LSAMP: variants seen among roughly 807,000 people sequenced by gnomAD.
LSAMP encodes limbic system-associated membrane protein.
A neutral mutation model predicts 38.6 loss-of-function variants in LSAMP; 7 were observed. That is an observed-to-expected ratio of 0.18 (90% CI 0.10 to 0.34). LSAMP has a LOEUF of 0.34. Among genes scored for constraint, LSAMP ranks in the 10% least tolerant of loss-of-function variants. The pLI is 1.00. For synonymous variants in LSAMP, 154 were observed against 166.8 expected (o/e 0.92, Z 0.59); for missense variants, 313 against 420.0 (o/e 0.75, Z 2.23).
chr3:115,861,650 C>G (rs925411704), intron 3 of LSAMP, among the ~76,000 whole-genome samples: 1 of 152,158 alleles, frequency 6.6e-6, no homozygotes, highest in Non-Finnish European at 1.5e-5. Context: ...AAGCTAATGA[C>G]TTCCTAAGTG....
At chr3:116,163,520 G>A (rs1470694744) in intron 1 of LSAMP, among the ~76,000 whole-genome samples, 2 of 151,326 alleles carry the variant, frequency 1.3e-5, no homozygotes, top group East Asian at 2.0e-4. Context: ...ATTGTGAATA[G>A]TGCCGCAATA....
chr3:116,401,586 G>C (rs183241294), intron 1 of LSAMP, among the ~76,000 whole-genome samples: 1 of 152,118 alleles, frequency 6.6e-6, no homozygotes, highest in African/African-American at 2.4e-5. Flanking sequence ...CTGGCTGTCC[G>C]TTGCTGACTT....
At chr3:116,327,995 G>A (rs1204952955) in intron 1 of LSAMP, among the ~76,000 whole-genome samples, 2 of 152,074 alleles carry the variant, frequency 1.3e-5, no homozygotes, top group South Asian at 2.1e-4. Context: ...CTGAGGCACT[G>A]TTTCACTCAC....
chr3:116,219,218 A>G (rs2046254438), intron 1 of LSAMP, among the ~76,000 whole-genome samples: 2 of 152,160 alleles, frequency 1.3e-5, no homozygotes, highest in African/African-American at 4.8e-5. Context: ...TCTCTCTGTG[A>G]CTGCCTTATT....
intron 3 of LSAMP, among the ~76,000 whole-genome samples, chr3:115,861,003 C>T (rs1277213863): frequency 6.6e-6 from 1 of 152,088 alleles, no homozygotes; most frequent in Non-Finnish European, 1.5e-5. Context: ...GTACTGAGTA[C>T]AATGGCATTA....
At chr3:115,931,273 G>C (rs1296648551) in intron 3 of LSAMP, among the ~76,000 whole-genome samples, 1 of 152,134 alleles carries the variant, frequency 6.6e-6, no homozygotes, top group Non-Finnish European at 1.5e-5. Flanking sequence ...GCAGCCTCTG[G>C]TGAAAACCTT....
chr3:116,442,237 C>A (rs924558078), intron 1 of LSAMP, among the ~76,000 whole-genome samples: 1 of 152,068 alleles, frequency 6.6e-6, no homozygotes, highest in African/African-American at 2.4e-5. Flanking sequence ...GACAGACAGC[C>A]AAACTCCTGT....
At chr3:115,935,378 G>A (rs1430563715) in intron 3 of LSAMP, among the ~76,000 whole-genome samples, 1 of 152,158 alleles carries the variant, frequency 6.6e-6, no homozygotes, top group Admixed American at 6.6e-5. Context: ...AGAGGCTCTT[G>A]AGAGAGTCAA....
chr3:115,803,621 T>C lies in LSAMP; in HGVS notation c.*6696A>G, dbSNP rs958768497. On this transcript the variant is annotated 3_prime_UTR_variant, in exon 7 of 7. Coordinates refer to ENST00000490035, the MANE Select transcript of LSAMP (RefSeq NM_002338.5). Reference sequence around the variant, plus strand: ...CTAAATTGTGTTTATTTTTGTTTTATTTTCAGCTTGTCTTCTTTAAATAGA... The same window carrying C: ...CTAAATTGTGTTTATTTTTGTTTTACTTTCAGCTTGTCTTCTTTAAATAGA... The C allele has an allele frequency of 2.0e-5, 3 of 152,230 alleles. No individual in the cohort carries two copies. Among genetic ancestry groups the C allele is most frequent in the African/African-American group, 7.2e-5 (3 of 41,462 alleles). The allele number at this position is 152,230 out of a possible 1,614,324, so 9.4% of individuals were successfully genotyped here. A position where few individuals can be genotyped will look rare whatever the true frequency, so the allele number is the denominator to read the frequency against.
chr3:116,066,009 T>C (rs1180493027), intron 2 of LSAMP, among the ~76,000 whole-genome samples: 3 of 152,244 alleles, frequency 2.0e-5, no homozygotes, highest in Non-Finnish European at 4.4e-5. Flanking sequence ...GTAGTGTCTT[T>C]ATGCAGGCTG....
chr3:116,181,670 C>T (rs1710487780), intron 1 of LSAMP, among the ~76,000 whole-genome samples: 1 of 151,972 alleles, frequency 6.6e-6, no homozygotes, highest in Admixed American at 6.6e-5. Flanking sequence ...TTTCACAAAG[C>T]ACTTTCAGAC....
At chr3:116,104,246 A>T (rs1189245993) in intron 1 of LSAMP, among the ~76,000 whole-genome samples, 1 of 152,324 alleles carries the variant, frequency 6.6e-6, no homozygotes. Context: ...GGTAAGAGGA[A>T]CATAAAGCAA....
intron 3 of LSAMP, among the ~76,000 whole-genome samples, chr3:115,938,177 A>G (rs747972105): frequency 7.9e-5 from 12 of 152,186 alleles, no homozygotes; most frequent in Non-Finnish European, 1.6e-4. Flanking sequence ...AAAACAGAAA[A>G]TGAATAGATA....
chr3:115,917,107 T>C (rs888892603), intron 3 of LSAMP, among the ~76,000 whole-genome samples: 1 of 152,190 alleles, frequency 6.6e-6, no homozygotes, highest in Non-Finnish European at 1.5e-5. Context: ...AAGGAAAAGA[T>C]TGCATCCCAA....
chr3:115,913,911 C>A lies in LSAMP; in HGVS notation c.515-61294G>T, dbSNP rs114730059. On this transcript the variant is annotated intron_variant, in intron 3 of 6. Coordinates refer to ENST00000490035, the MANE Select transcript of LSAMP (RefSeq NM_002338.5). Reference sequence around the variant, plus strand: ...TGTATTAAACGAATCATGTATTAAACCCTGTGTAGACCTTGAAAAGAGAGT... The same window carrying A: ...TGTATTAAACGAATCATGTATTAAAACCTGTGTAGACCTTGAAAAGAGAGT... Among the ~76,000 whole-genome samples the A allele has an allele frequency of 8.4e-3, 1,280 of 152,088 alleles. 15 individuals carry two copies. The highest frequency in any genetic ancestry group is 0.029 in the African/African-American group (1,194 of 41,486).
intron 1 of LSAMP, among the ~76,000 whole-genome samples, chr3:116,200,222 C>G (rs569581620): frequency 6.6e-6 from 1 of 152,022 alleles, no homozygotes; most frequent in Non-Finnish European, 1.5e-5. Context: ...GAGAGGGCAC[C>G]ATTTTCTGTG....
At chr3:116,369,727 A>C (rs973916773) in intron 1 of LSAMP, 13 of 152,450 alleles carry the variant, frequency 8.5e-5, no homozygotes, top group African/African-American at 2.9e-4. Context: ...CCAGCTCAGA[A>C]TATAAATAAC....
chr3:116,256,052 G>C (rs528411800), intron 1 of LSAMP, among the ~76,000 whole-genome samples: 1 of 152,198 alleles, frequency 6.6e-6, no homozygotes, highest in East Asian at 1.9e-4. Context: ...AATAAAATGC[G>C]TAATTAATTT....
rs1267569750 is a variant in LSAMP, at chr3:116,076,102, T to C, written c.388+10222A>G. Reference sequence around the variant, plus strand: ...AAACCATTTGTTGAATAATGACACTTTCTCCGTTATGTTAAACCTGCATCA... The same window carrying C: ...AAACCATTTGTTGAATAATGACACTCTCTCCGTTATGTTAAACCTGCATCA... On this transcript the variant is annotated intron_variant, in intron 2 of 6. Transcript: ENST00000490035. Among the ~76,000 whole-genome samples the C allele has an allele frequency of 3.3e-5, 5 of 152,310 alleles. No individual in the cohort carries two copies. In the South Asian group the frequency reaches 1.0e-3, roughly 32 times the overall value.
Sources: gnomAD v4.1 joint callset for allele counts (sites outside exome capture counted in the v4.1 genomes callset) on GRCh38, gnomAD v4.1.1 for gene constraint, MANE v1.5 for transcripts, NCBI Gene and HGNC (gene_info 2026-07-23, HGNC 2026-07-21) for gene names.